Variants in PRKN observed in about 807,000 individuals in gnomAD.
The protein encoded by PRKN is parkin RBR E3 ubiquitin protein ligase.
In PRKN, 56 loss-of-function variants were observed where a neutral mutation model predicts 59.5. The ratio of observed to expected loss-of-function variants is 0.94; its 90% CI spans 0.76 to 1.18. The LOEUF is 1.18. PRKN is among the 50% of genes most tolerant of loss of function. The probability of loss-of-function intolerance (pLI) is 0.00; values close to 1 mark genes in which losing one functional copy is unlikely to be tolerated. For synonymous variants in PRKN, 250 were observed against 222.1 expected (o/e 1.13, Z -1.12); for missense variants, 657 against 596.4 (o/e 1.10, Z -1.06).
intron 2 of PRKN, among the ~76,000 whole-genome samples, chr6:162,299,450 A>G (rs1781840411): frequency 6.6e-6 from 1 of 151,094 alleles, no homozygotes; most frequent in African/African-American, 2.5e-5. Context: ...CGATAAAAAC[A>G]GTCTATTTTT....
intron 1 of PRKN, among the ~76,000 whole-genome samples, chr6:162,648,758 G>C (rs1325560437): frequency 1.3e-5 from 2 of 152,154 alleles, no homozygotes; most frequent in African/African-American, 2.4e-5. Context: ...ATCTCATAGA[G>C]TGTGCACAAA....
chr6:162,076,309 T>A (rs1478689243), intron 4 of PRKN, among the ~76,000 whole-genome samples: 4 of 152,136 alleles, frequency 2.6e-5, no homozygotes, highest in African/African-American at 9.7e-5. Flanking sequence ...CAAATAAGAT[T>A]TGGCCAAAAG....
At chr6:162,338,204 T>TA (rs1783935750) in intron 2 of PRKN, among the ~76,000 whole-genome samples, 1 of 152,126 alleles carries the variant, frequency 6.6e-6, no homozygotes, top group African/African-American at 2.4e-5. Context: ...ATGATAAGGC[T>TA]AATAGGTAAA....
In PRKN at chr6:162,201,263, A is replaced by G. The variant is rs375835080; in HGVS notation, c.413-11T>C. 5.6e-6 allele frequency: 9 copies of G among 1,613,612 alleles called. No homozygotes were observed. In the African/African-American group the frequency reaches 1.2e-4, roughly 22 times the overall value. ...AGATTGATCTACCTGCTGGAGAAGA[A>G]AAAGCAGAAGAAGTGGCTAATAATG... On this transcript the variant is annotated splice_polypyrimidine_tract_variant and intron_variant, in intron 3 of 11. Coordinates refer to ENST00000366898, the MANE Select transcript of PRKN (RefSeq NM_004562.3).
chr6:161,887,026 C>T (rs2128231064), intron 6 of PRKN, among the ~76,000 whole-genome samples: 1 of 152,272 alleles, frequency 6.6e-6, no homozygotes, highest in East Asian at 1.9e-4. Flanking sequence ...AGAACAAATA[C>T]ATTCCAGGTT....
chr6:162,310,086 C>T (rs1031631893), intron 2 of PRKN, among the ~76,000 whole-genome samples: 1 of 152,054 alleles, frequency 6.6e-6, no homozygotes, highest in Non-Finnish European at 1.5e-5. Flanking sequence ...TGTATATGTA[C>T]CACATTTTCT....
chr6:162,285,073 G>A (rs1165172306), intron 2 of PRKN, among the ~76,000 whole-genome samples: 1 of 152,104 alleles, frequency 6.6e-6, no homozygotes, highest in African/African-American at 2.4e-5. Context: ...GCCCAGGAGA[G>A]AGGCCACAGA....
At chr6:162,360,222 G>C (rs1436047323) in intron 2 of PRKN, among the ~76,000 whole-genome samples, 1 of 152,032 alleles carries the variant, frequency 6.6e-6, no homozygotes, top group East Asian at 1.9e-4. Context: ...CTTTCTAATA[G>C]TGCAACTTAC....
At chr6:161,449,697 C>T (rs1310281420) in intron 9 of PRKN, among the ~76,000 whole-genome samples, 3 of 152,152 alleles carry the variant, frequency 2.0e-5, no homozygotes, top group Admixed American at 1.3e-4. Context: ...GCAGACTTGT[C>T]CCACCAGAGA....
At chr6:162,139,917 C>A (rs1417038433) in intron 4 of PRKN, among the ~76,000 whole-genome samples, 4 of 151,490 alleles carry the variant, frequency 2.6e-5, no homozygotes, top group Non-Finnish European at 5.9e-5. Context: ...TATGAACCTG[C>A]CAGGATACTG....
At chr6:162,159,217 CT>C (rs1438344617) in intron 4 of PRKN, among the ~76,000 whole-genome samples, 1 of 150,790 alleles carries the variant, frequency 6.6e-6, no homozygotes, top group Non-Finnish European at 1.5e-5. Context: ...GACTAATTAT[CT>C]ATGAGAATCA....
At chr6:161,972,721 T>C (rs947354497) in intron 6 of PRKN, among the ~76,000 whole-genome samples, 3 of 152,162 alleles carry the variant, frequency 2.0e-5, no homozygotes, top group African/African-American at 4.8e-5. Flanking sequence ...CTACATGTTG[T>C]GGTGTTCATA....
At chr6:162,325,715 A>T (rs1481215959) in intron 2 of PRKN, among the ~76,000 whole-genome samples, 2 of 152,184 alleles carry the variant, frequency 1.3e-5, no homozygotes, top group African/African-American at 4.8e-5. Flanking sequence ...ACATATGTCT[A>T]TTTAGGGGAA....
intron 7 of PRKN, among the ~76,000 whole-genome samples, chr6:161,572,716 A>T (rs553793324): frequency 6.6e-6 from 1 of 152,152 alleles, no homozygotes; most frequent in East Asian, 1.9e-4. Context: ...ACTGGAAAAC[A>T]TAATACATTA....
At chr6:161,851,049 T>C (rs2128222442) in intron 6 of PRKN, among the ~76,000 whole-genome samples, 1 of 152,352 alleles carries the variant, frequency 6.6e-6, no homozygotes, top group South Asian at 2.1e-4. Context: ...ATTTAACGTG[T>C]CCTCCAAAGT....
chr6:162,593,693 G>T (rs1364169184), intron 1 of PRKN, among the ~76,000 whole-genome samples: 1 of 152,158 alleles, frequency 6.6e-6, no homozygotes, highest in Non-Finnish European at 1.5e-5. Context: ...AGGGCAACTG[G>T]CTCAAACTCA....
At chr6:161,351,412 C>T (rs1362255140) in intron 11 of PRKN, among the ~76,000 whole-genome samples, 5 of 151,548 alleles carry the variant, frequency 3.3e-5, no homozygotes, top group African/African-American at 7.3e-5. Context: ...GCAACCCCCA[C>T]CTCCCAGGTT....
intron 9 of PRKN, among the ~76,000 whole-genome samples, chr6:161,430,336 C>A (rs1445552340): frequency 6.6e-6 from 1 of 152,210 alleles, no homozygotes; most frequent in African/African-American, 2.4e-5. Flanking sequence ...CACCTCTTAA[C>A]ACTATTACAC....
chr6:161,390,766 G>A lies in PRKN; in HGVS notation c.1084-3889C>T, dbSNP rs1233666200. Among the ~76,000 whole-genome samples the A allele has an allele frequency of 6.6e-6, 1 of 152,132 alleles. No homozygotes were observed. The highest frequency in any genetic ancestry group is 1.5e-5 in the Non-Finnish European group (1 of 68,028). On this transcript the variant is annotated intron_variant, in intron 9 of 11. Transcript: ENST00000366898. This position sits in a 1 kb window ranked among gnomAD's most constrained non-coding sequence, Gnocchi z 7.0. Reference sequence around the variant, plus strand: ...GGCCTCCCAAAGTGCTGGGATTACAGGCATGAGCCACCGTGCCTGGCCAAG... The same window carrying A: ...GGCCTCCCAAAGTGCTGGGATTACAAGCATGAGCCACCGTGCCTGGCCAAG...
Sources: allele counts gnomAD v4.1 joint callset (sites outside exome capture counted in the v4.1 genomes callset), GRCh38; gene constraint gnomAD v4.1.1; non-coding constraint Gnocchi (gnomAD v3.1); transcripts MANE v1.5; gene names NCBI Gene and HGNC (gene_info 2026-07-23, HGNC 2026-07-21).